Variants in HS6ST3 observed in about 807,000 individuals in gnomAD.
HS6ST3 encodes the protein heparan-sulfate 6-O-sulfotransferase 3.
HS6ST3 carries 12 observed loss-of-function variants against 36.7 expected under a neutral mutation model. The observed-to-expected ratio is 0.33, with a 90% CI of 0.21 to 0.53. The LOEUF (loss-of-function observed/expected upper bound fraction) is 0.53. HS6ST3 is among the 20% of genes least tolerant of loss of function. HS6ST3 has a pLI of 0.95. For missense variants in HS6ST3, 584 were observed against 640.9 expected (o/e 0.91, Z 0.96); for synonymous variants, 240 against 257.5 (o/e 0.93, Z 0.65).
At chr13:96,287,735 A>C (rs768842578) in intron 1 of HS6ST3, among the ~76,000 whole-genome samples, 2 of 152,150 alleles carry the variant, frequency 1.3e-5, no homozygotes, top group Admixed American at 6.5e-5. Flanking sequence ...TGGGTGTTGT[A>C]TTAGTCTTCC....
At chr13:96,142,427 T>C (rs1389475102) in intron 1 of HS6ST3, among the ~76,000 whole-genome samples, 1 of 152,170 alleles carries the variant, frequency 6.6e-6, no homozygotes, top group African/African-American at 2.4e-5. Flanking sequence ...GATCCAATAT[T>C]AGTGAAGTTG....
chr13:96,134,753 G>GT (rs1202317803), intron 1 of HS6ST3, among the ~76,000 whole-genome samples: 1 of 152,138 alleles, frequency 6.6e-6, no homozygotes, highest in East Asian at 1.9e-4. Context: ...GCTCTTTTGG[G>GT]TTTGCAGAAT....
intron 1 of HS6ST3, among the ~76,000 whole-genome samples, chr13:96,180,210 G>A (rs1428149156): frequency 2.0e-5 from 3 of 151,880 alleles, no homozygotes; most frequent in Admixed American, 6.6e-5. Flanking sequence ...ACACACACAC[G>A]CCAACCAACT....
intron 1 of HS6ST3, among the ~76,000 whole-genome samples, chr13:96,693,163 A>T (rs1343932592): frequency 3.9e-5 from 6 of 152,188 alleles, no homozygotes; most frequent in African/African-American, 1.2e-4. Context: ...TGGGTAAAAA[A>T]GTTGATTGTC....
intron 1 of HS6ST3, among the ~76,000 whole-genome samples, chr13:96,342,716 A>T (rs1177942505): frequency 6.6e-6 from 1 of 152,146 alleles, no homozygotes; most frequent in East Asian, 1.9e-4. Flanking sequence ...CAAATGGTTC[A>T]TTTGGTGCTT....
chr13:96,230,360 C>T (rs764878830), intron 1 of HS6ST3, among the ~76,000 whole-genome samples: 1 of 152,058 alleles, frequency 6.6e-6, no homozygotes, highest in Non-Finnish European at 1.5e-5. Flanking sequence ...CTGGTTTTGA[C>T]AACTGTATGG....
At chr13:96,476,960 A>G (rs2055867213) in intron 1 of HS6ST3, among the ~76,000 whole-genome samples, 1 of 152,174 alleles carries the variant, frequency 6.6e-6, no homozygotes, top group African/African-American at 2.4e-5. Context: ...GAAAGTCAAG[A>G]CTATTTAATA....
chr13:96,156,382 G>A (rs1392358703), intron 1 of HS6ST3, among the ~76,000 whole-genome samples: 1 of 152,198 alleles, frequency 6.6e-6, no homozygotes, highest in Non-Finnish European at 1.5e-5. Flanking sequence ...GTTTAGTGAG[G>A]CAGGCATTTC....
At chr13:96,539,741 G>A (rs1191147408) in intron 1 of HS6ST3, among the ~76,000 whole-genome samples, 1 of 152,144 alleles carries the variant, frequency 6.6e-6, no homozygotes, top group African/African-American at 2.4e-5. Context: ...ACATTCTGAT[G>A]GATAATTGGC....
chr13:96,613,510 G>T (rs1358749178), intron 1 of HS6ST3, among the ~76,000 whole-genome samples: 1 of 152,178 alleles, frequency 6.6e-6, no homozygotes, highest in Non-Finnish European at 1.5e-5. Context: ...GGCTCTGTGT[G>T]TAATGAATGA....
At chr13:96,412,161 C>T (rs557309844) in intron 1 of HS6ST3, among the ~76,000 whole-genome samples, 24 of 152,030 alleles carry the variant, frequency 1.6e-4, no homozygotes, top group African/African-American at 5.5e-4. Flanking sequence ...CGCACCACCA[C>T]GCCCAGCTAA....
At chr13:96,240,393 T>TAGTACTCTA (rs1263084167) in intron 1 of HS6ST3, among the ~76,000 whole-genome samples, 1 of 152,196 alleles carries the variant, frequency 6.6e-6, no homozygotes, top group Non-Finnish European at 1.5e-5. Context: ...AAATAAGCTT[T>TAGTACTCTA]AGTACTCTAT....
chr13:96,482,443 T>C (rs533255861), intron 1 of HS6ST3, among the ~76,000 whole-genome samples: 3 of 152,188 alleles, frequency 2.0e-5, no homozygotes, highest in South Asian at 2.1e-4. Flanking sequence ...TTCACAGTTC[T>C]TGTTTTATTT....
chr13:96,664,172 G>A (rs142050603), intron 1 of HS6ST3, among the ~76,000 whole-genome samples: 74 of 152,118 alleles, frequency 4.9e-4, no homozygotes, highest in Non-Finnish European at 8.4e-4. Flanking sequence ...AGGAAATCTC[G>A]GCTTTCTCAT....
At chr13:96,600,174 C>T (rs1004528903) in intron 1 of HS6ST3, among the ~76,000 whole-genome samples, 3 of 151,940 alleles carry the variant, frequency 2.0e-5, no homozygotes, top group African/African-American at 7.3e-5. Flanking sequence ...AGTTTAAGTC[C>T]AGTGTTTCTT....
intron 1 of HS6ST3, among the ~76,000 whole-genome samples, chr13:96,114,150 TC>T (rs1566885307): frequency 1.3e-5 from 2 of 150,744 alleles, no homozygotes; most frequent in Admixed American, 1.3e-4. Context: ...ATATAATAAT[TC>T]TTTTTTTTTT....
At chr13:96,329,187 T>G (rs2139419383) in intron 1 of HS6ST3, among the ~76,000 whole-genome samples, 1 of 147,384 alleles carries the variant, frequency 6.8e-6, no homozygotes, top group South Asian at 2.2e-4. Context: ...TTCCTTCAGT[T>G]CTGCTCTGAT....
intron 1 of HS6ST3, among the ~76,000 whole-genome samples, chr13:96,202,777 C>G (rs2054349322): frequency 6.6e-6 from 1 of 152,156 alleles, no homozygotes; most frequent in Non-Finnish European, 1.5e-5. Flanking sequence ...GACTGACTTG[C>G]CCACTGTGGA....
intron 1 of HS6ST3, among the ~76,000 whole-genome samples, chr13:96,603,040 G>T (rs548857080): frequency 9.7e-4 from 147 of 152,226 alleles, no homozygotes; most frequent in African/African-American, 3.4e-3. Flanking sequence ...AAGTATTTTT[G>T]TGCATGGATA....
Sources: gnomAD v4.1 joint callset for allele counts (sites outside exome capture counted in the v4.1 genomes callset) on GRCh38, gnomAD v4.1.1 for gene constraint, MANE v1.5 for transcripts, NCBI Gene and HGNC (gene_info 2026-07-23, HGNC 2026-07-21) for gene names.